Variants in PDPR observed in about 807,000 individuals in gnomAD.
PDPR encodes pyruvate dehydrogenase phosphatase regulatory subunit, mitochondrial.
PDPR carries 50 observed loss-of-function variants against 102.2 expected under a neutral mutation model. The ratio of observed to expected loss-of-function variants is 0.49; its 90% CI spans 0.39 to 0.62. The LOEUF (loss-of-function observed/expected upper bound fraction) is 0.62. PDPR is among the 20% of genes least tolerant of loss of function. The pLI is 0.00. For synonymous variants in PDPR, 259 were observed against 406.0 expected, an observed-to-expected ratio of 0.64 and a Z score of 4.35; for missense variants, 625 against 1,098.2, an observed-to-expected ratio of 0.57 and a Z score of 6.09.
chr16:70,153,633 G>C, intron 18 of PDPR, 60 bp downstream of exon 18: 1 of 1,476,180 alleles, frequency 6.8e-7, no homozygotes, highest in Non-Finnish European at 9.1e-7. Flanking sequence ...ATCTGCACTA[G>C]ACTAGGAAGA....
intron 18 of PDPR, among the ~76,000 whole-genome samples, chr16:70,154,697 C>T (rs1295731908): frequency 2.0e-5 from 3 of 152,224 alleles, no homozygotes; most frequent in African/African-American, 7.2e-5. Flanking sequence ...GGTTGGAGTG[C>T]AGTGGCGCGA....
At chr16:70,143,025 C>T (rs1272314203) in intron 13 of PDPR, among the ~76,000 whole-genome samples, 1 of 152,264 alleles carries the variant, frequency 6.6e-6, no homozygotes, top group African/African-American at 2.4e-5. Context: ...GCGAAACCGT[C>T]TCTACCAAAA....
At chr16:70,141,517 A>T (rs1173137315) in intron 11 of PDPR, among the ~76,000 whole-genome samples, 1 of 152,272 alleles carries the variant, frequency 6.6e-6, no homozygotes, top group Non-Finnish European at 1.5e-5. Flanking sequence ...CAGGTCTGAG[A>T]TCCTAACACA....
chr16:70,156,303 T>C (rs1405081456), intron 18 of PDPR, 172 bp from the exon 19 acceptor site: 5 of 741,652 alleles, frequency 6.7e-6, no homozygotes, highest in East Asian at 2.7e-5. Context: ...ATATTTCACA[T>C]GCAGTTTTTC....
At chr16:70,153,950 C>T (rs1349120720) in intron 18 of PDPR, among the ~76,000 whole-genome samples, 4 of 152,266 alleles carry the variant, frequency 2.6e-5, no homozygotes, top group East Asian at 1.9e-4. Flanking sequence ...GAGGCCAAGG[C>T]GGGCGGATCA....
chr16:70,125,436 C>T, intron 3 of PDPR, among the ~76,000 whole-genome samples: 1 of 151,792 alleles, frequency 6.6e-6, no homozygotes, highest in South Asian at 2.1e-4. Context: ...CACCTGTAAT[C>T]CCTGCTACTC....
At chr16:70,131,984 A>C in intron 8 of PDPR, 167 bp from the exon 9 acceptor site, 2 of 1,537,526 alleles carry the variant, frequency 1.3e-6, no homozygotes, top group Non-Finnish European at 1.8e-6. Context: ...TGACCTCAAA[A>C]GGTATTTTAA....
chr16:70,155,000 C>T (rs112742508), intron 18 of PDPR, among the ~76,000 whole-genome samples: 21,194 of 145,834 alleles, frequency 0.15, no homozygotes, highest in Non-Finnish European at 0.15. Context: ...GAGACCAGCC[C>T]GGCCAACATG....
chr16:70,133,111 CTTTTTT>C (rs140652740), intron 9 of PDPR, among the ~76,000 whole-genome samples: 2 of 97,230 alleles, frequency 2.1e-5, no homozygotes, highest in African/African-American at 8.6e-5. Flanking sequence ...TACCCAGCTG[CTTTTTT>C]TTTTTTTTTT....
intron 17 of PDPR, among the ~76,000 whole-genome samples, chr16:70,152,393 C>T (rs1322982987): frequency 2.0e-5 from 3 of 152,276 alleles, no homozygotes; most frequent in East Asian, 3.8e-4. Context: ...GCGGCAGCCA[C>T]CTATAGTACC....
At chr16:70,149,582 C>T (rs141810313) in intron 17 of PDPR, among the ~76,000 whole-genome samples, 551 of 152,212 alleles carry the variant, frequency 3.6e-3, no homozygotes, top group African/African-American at 0.012. Context: ...CACAATTTCT[C>T]TTAGAGCTCT....
chr16:70,163,284 ATTTGTAC>A (rs1275985110), downstream of PDPR, among the ~76,000 whole-genome samples: 1 of 150,758 alleles, frequency 6.6e-6, no homozygotes, highest in East Asian at 2.0e-4. Context: ...TTTTTTAAGT[ATTTGTAC>A]TTTTGAGAAT....
At chr16:70,120,055 T>A (rs920432954) in intron 2 of PDPR, 6 of 171,104 alleles carry the variant, frequency 3.5e-5, no homozygotes, top group African/African-American at 1.4e-4. Flanking sequence ...TAGCTGGGAT[T>A]ACAGGCACCT....
intron 3 of PDPR, among the ~76,000 whole-genome samples, chr16:70,122,215 G>T (rs1462605302): frequency 6.6e-6 from 1 of 152,240 alleles, no homozygotes; most frequent in East Asian, 1.9e-4. Context: ...TTGGACTCCT[G>T]ACCTCCAGTG....
chr16:70,155,287 T>C (rs1967013591), intron 18 of PDPR, among the ~76,000 whole-genome samples: 2 of 152,270 alleles, frequency 1.3e-5, no homozygotes, highest in Non-Finnish European at 2.9e-5. Context: ...AACTATTTTT[T>C]TTTTCTTTCT....
At chr16:70,145,283 G>A (rs1335658289) in intron 15 of PDPR, among the ~76,000 whole-genome samples, 1 of 152,146 alleles carries the variant, frequency 6.6e-6, no homozygotes. Flanking sequence ...GATTATAGGC[G>A]CCCGCCACCA....
At chr16:70,126,457 G>C (rs1334976203) in intron 3 of PDPR, among the ~76,000 whole-genome samples, 1 of 152,248 alleles carries the variant, frequency 6.6e-6, no homozygotes, top group Non-Finnish European at 1.5e-5. Flanking sequence ...TCCACCTCCC[G>C]GGTTCATGCC....
chr16:70,133,183 C>G (rs1286335183), intron 9 of PDPR, among the ~76,000 whole-genome samples: 1 of 140,190 alleles, frequency 7.1e-6, no homozygotes, highest in African/African-American at 2.7e-5. Flanking sequence ...GGTGTGATCT[C>G]GGCTCACTGC....
rs751975055 is a variant in PDPR, at chr16:70,146,226, A to G, written c.1960A>G (p.Lys654Glu). The G allele has an allele frequency of 6.2e-7, 1 of 1,613,722 alleles. No homozygotes were observed. Among genetic ancestry groups the G allele is most frequent in the African/African-American group, 1.3e-5 (1 of 74,894 alleles). Residue 654 changes from lysine (K) to glutamate (E), a missense_variant and splice_region_variant, in exon 16 of 19, where the codon AAG becomes GAG. Transcript: ENST00000288050. ...AGACCACTTCCCAAGCCTCTTTTGC[A>G]AGGTAAGTGCTGATAAAGTTCTGTT... ...TPDHFPSLFC[K>E]EMSVGYANGI... is the part of the protein sequence containing the mutation.
Sources: allele counts gnomAD v4.1 joint callset (sites outside exome capture counted in the v4.1 genomes callset), GRCh38; gene constraint gnomAD v4.1.1; transcripts MANE v1.5; gene names NCBI Gene and HGNC (gene_info 2026-07-23, HGNC 2026-07-21).